NCALD: variants seen among roughly 807,000 people sequenced by gnomAD.
NCALD encodes neurocalcin delta, also known as neurocalcin-delta.
In NCALD, 10 loss-of-function variants were observed where a neutral mutation model predicts 18.6. The observed-to-expected ratio is 0.54, with a 90% CI of 0.33 to 0.91. The LOEUF is 0.91. Ranked by LOEUF, NCALD falls within the 40% of genes least tolerant of loss-of-function variation. The probability of loss-of-function intolerance (pLI) is 0.03; values close to 1 mark genes in which losing one functional copy is unlikely to be tolerated. For missense variants in NCALD, 184 were observed against 247.6 expected (o/e 0.74, Z 1.72); for synonymous variants, 88 against 87.4 (o/e 1.01, Z -0.04).
chr8:102,012,683 T>A (rs183168228), intron 2 of NCALD, among the ~76,000 whole-genome samples: 5 of 152,366 alleles, frequency 3.3e-5, no homozygotes, highest in Admixed American at 2.0e-4. Flanking sequence ...CTGAAACAGC[T>A]GAAGGCCTAG....
Position 101,930,291 on chromosome 8 carries a change from C to T in NCALD, c.-156-14433G>A, listed in dbSNP as rs148322378. Among the ~76,000 whole-genome samples the T allele has an allele frequency of 2.5e-3, 385 of 152,032 alleles. 2 individuals are homozygous for T. The highest frequency in any genetic ancestry group is 8.6e-3 in the African/African-American group (357 of 41,478). On this transcript the variant is annotated intron_variant, in intron 2 of 6. Coordinates refer to the NCALD transcript ENST00000311028. ...CATTAAACCCAAACAAAATGTATCC[C>T]CAATTCAGCTTCCCTTTAGTCTGAT...
rs192599807 is a variant in NCALD, at chr8:101,851,619, C to T, written c.-20+35522G>A. Among the ~76,000 whole-genome samples, 946 of 152,068 alleles carry T rather than the reference C, an allele frequency of 6.2e-3. 7 individuals are homozygous for T. The highest frequency in any genetic ancestry group is 9.7e-3 in the Admixed American group (148 of 15,268). On this transcript the variant is annotated intron_variant, in intron 4 of 6. Coordinates refer to the NCALD transcript ENST00000311028. ...TTTGCCCCCTGAGAACTGACTGGAC[C>T]CCAGCTACTCCATACCTGCCTTTGC...
chr8:102,024,935 A>G (rs1326277200), intron 1 of NCALD, among the ~76,000 whole-genome samples: 1 of 152,090 alleles, frequency 6.6e-6, no homozygotes, highest in Admixed American at 6.6e-5. Context: ...TTGTTTTCCA[A>G]TTATCAGGAT....
At chr8:101,981,518 C>T (rs1344173670) in intron 2 of NCALD, among the ~76,000 whole-genome samples, 1 of 152,208 alleles carries the variant, frequency 6.6e-6, no homozygotes, top group Non-Finnish European at 1.5e-5. Flanking sequence ...AAACCAGCTG[C>T]TTATGAAAGG....
intron 3 of NCALD, among the ~76,000 whole-genome samples, chr8:101,909,046 T>C (rs180699846): frequency 1.3e-5 from 2 of 152,170 alleles, no homozygotes; most frequent in African/African-American, 2.4e-5. Context: ...CTGTTTTAAC[T>C]CTATAAGGAA....
chr8:101,731,514 C>T (rs1206085237), intron 1 of NCALD, among the ~76,000 whole-genome samples: 2 of 152,140 alleles, frequency 1.3e-5, no homozygotes, highest in Non-Finnish European at 2.9e-5. Context: ...GAATTCCACG[C>T]CTCACTCCCC....
At chr8:101,822,907 C>T (rs1255660811) in intron 4 of NCALD, among the ~76,000 whole-genome samples, 1 of 152,160 alleles carries the variant, frequency 6.6e-6, no homozygotes, top group Non-Finnish European at 1.5e-5. Flanking sequence ...TTTTAAACCT[C>T]CTTTGTTTGA....
At chr8:101,917,758 C>T (rs1241420961) in intron 2 of NCALD, among the ~76,000 whole-genome samples, 3 of 152,018 alleles carry the variant, frequency 2.0e-5, no homozygotes, top group African/African-American at 7.2e-5. Context: ...CACACAACTT[C>T]CTAAGGCTGA....
intron 2 of NCALD, among the ~76,000 whole-genome samples, chr8:101,704,863 A>T: frequency 6.6e-6 from 1 of 151,338 alleles, no homozygotes; most frequent in East Asian, 1.9e-4. Flanking sequence ...AGGTTGCAGT[A>T]AGCTGAGATC....
At chr8:101,901,625 T>C (rs542410763) in intron 3 of NCALD, among the ~76,000 whole-genome samples, 1 of 152,272 alleles carries the variant, frequency 6.6e-6, no homozygotes, top group East Asian at 1.9e-4. Context: ...TTCCTTTACT[T>C]TTCCTCATCT....
intron 3 of NCALD, chr8:101,691,764 G>A (rs1325530716): frequency 2.0e-6 from 2 of 985,208 alleles, no homozygotes; most frequent in Admixed American, 6.2e-5. Flanking sequence ...TACCTGGGCG[G>A]GGGATAAAAG....
At chr8:102,091,776 C>T (rs554524626) in intron 1 of NCALD, among the ~76,000 whole-genome samples, 19 of 152,232 alleles carry the variant, frequency 1.2e-4, no homozygotes, top group Middle Eastern at 3.4e-3. Context: ...TGGCCCTCAC[C>T]ATACTAATGC....
chr8:101,705,278 T>TA (rs1409548829), intron 2 of NCALD, among the ~76,000 whole-genome samples: 1 of 149,718 alleles, frequency 6.7e-6, no homozygotes, highest in Non-Finnish European at 1.5e-5. Flanking sequence ...TAAAAATAAA[T>TA]AAAGTGAATG....
chr8:101,728,207 G>A (rs985282553), intron 1 of NCALD, among the ~76,000 whole-genome samples: 1 of 152,190 alleles, frequency 6.6e-6, no homozygotes, highest in African/African-American at 2.4e-5. Context: ...CTAGTGAACA[G>A]GCTTTCAGGA....
At chr8:102,003,517 C>T (rs1183092846) in intron 2 of NCALD, among the ~76,000 whole-genome samples, 5 of 152,194 alleles carry the variant, frequency 3.3e-5, no homozygotes, top group South Asian at 2.1e-4. Flanking sequence ...GGAATCCTCC[C>T]TAACTCATTT....
At chr8:101,850,965 T>C (rs1586630864) in intron 4 of NCALD, among the ~76,000 whole-genome samples, 1 of 152,192 alleles carries the variant, frequency 6.6e-6, no homozygotes, top group African/African-American at 2.4e-5. Flanking sequence ...CATGGCCAAA[T>C]GCATTTGAGA....
chr8:101,962,725 T>G (rs925222405), intron 2 of NCALD, among the ~76,000 whole-genome samples: 4 of 152,156 alleles, frequency 2.6e-5, no homozygotes, highest in Admixed American at 2.6e-4. Context: ...GAGTTAAGCC[T>G]TTGAGGCATT....
At chr8:102,055,406 G>A (rs747607422) in intron 1 of NCALD, among the ~76,000 whole-genome samples, 4 of 152,124 alleles carry the variant, frequency 2.6e-5, no homozygotes, top group Non-Finnish European at 4.4e-5. Context: ...CTACGTTCAC[G>A]ACATAAAGAG....
chr8:102,028,435 A>G (rs1258680680), intron 1 of NCALD, among the ~76,000 whole-genome samples: 2 of 152,244 alleles, frequency 1.3e-5, no homozygotes, highest in South Asian at 2.1e-4. Context: ...ACAATGCCCA[A>G]GTATACTCCT....
Sources: allele counts gnomAD v4.1 joint callset (sites outside exome capture counted in the v4.1 genomes callset), GRCh38; gene constraint gnomAD v4.1.1; transcripts MANE v1.5; gene names NCBI Gene and HGNC (gene_info 2026-07-23, HGNC 2026-07-21).